The following SHANK2 variants were observed in gnomAD, a reference collection of about 807,000 sequenced individuals.
SHANK2 encodes SH3 and multiple ankyrin repeat domains 2.
A neutral mutation model predicts 133.7 loss-of-function variants in SHANK2; 43 were observed. The ratio of observed to expected loss-of-function variants is 0.32; its 90% CI spans 0.25 to 0.41. The LOEUF (loss-of-function observed/expected upper bound fraction) is 0.41, where lower values mean the gene tolerates loss of function less well. Among genes scored for constraint, SHANK2 ranks in the 10% least tolerant of loss-of-function variants. SHANK2 has a pLI of 1.00. For synonymous variants in SHANK2, 1,017 were observed against 952.8 expected, an observed-to-expected ratio of 1.07 and a Z score of -1.24; for missense variants, 1,994 against 2,235.8, an observed-to-expected ratio of 0.89 and a Z score of 2.18.
At chr11:70,528,245 T>G (rs1591539448) in intron 17 of SHANK2, among the ~76,000 whole-genome samples, 1 of 152,176 alleles carries the variant, frequency 6.6e-6, no homozygotes, top group African/African-American at 2.4e-5. Context: ...TGTCCATGTG[T>G]GGGACGAACG....
intron 15 of SHANK2, among the ~76,000 whole-genome samples, chr11:70,683,346 G>T (rs148273142): frequency 2.0e-5 from 3 of 152,010 alleles, no homozygotes; most frequent in African/African-American, 7.3e-5. Context: ...CCACTCTGCC[G>T]TTTCTGTGTA....
chr11:71,148,034 A>G lies in SHANK2; in HGVS notation c.-12-696T>C, dbSNP rs577128865. Among the ~76,000 whole-genome samples, 199 of 150,818 alleles carry G rather than the reference A, an allele frequency of 1.3e-3. 2 individuals carry two copies. The Middle Eastern group carries it at 0.021, about 16-fold the overall frequency. On this transcript the variant is annotated intron_variant, in intron 2 of 25. Coordinates refer to ENST00000601538, the MANE Select transcript of SHANK2 (RefSeq NM_012309.5). ...GGTCAAGTGCAATAAAAATTACCCC[A>G]CAAAGAGTCAGGCCAGGTTGCCAAT...
At chr11:71,208,532 G>A (rs1045950459) in intron 2 of SHANK2, among the ~76,000 whole-genome samples, 6 of 146,064 alleles carry the variant, frequency 4.1e-5, no homozygotes, top group Non-Finnish European at 6.0e-5. Context: ...CTCCCTTCCC[G>A]AGTCCTAGGC....
At chr11:71,097,527 C>A (rs1181285095) in intron 6 of SHANK2, among the ~76,000 whole-genome samples, 3 of 152,218 alleles carry the variant, frequency 2.0e-5, no homozygotes, top group Non-Finnish European at 4.4e-5. Context: ...CAGTCTCCCT[C>A]AACGTGAACA....
At chr11:70,851,572 A>G (rs1555065466) in intron 11 of SHANK2, among the ~76,000 whole-genome samples, 1 of 152,248 alleles carries the variant, frequency 6.6e-6, no homozygotes, top group Non-Finnish European at 1.5e-5. Flanking sequence ...TTGAGCACGG[A>G]GTCCACACAT....
intron 14 of SHANK2, among the ~76,000 whole-genome samples, chr11:70,757,565 G>C (rs911791175): frequency 1.5e-4 from 23 of 152,224 alleles, no homozygotes; most frequent in African/African-American, 5.1e-4. Flanking sequence ...GCCAGGCTGA[G>C]GGTGCCTACG....
intron 17 of SHANK2, among the ~76,000 whole-genome samples, chr11:70,506,642 G>A (rs1445093484): frequency 2.6e-5 from 4 of 152,148 alleles, no homozygotes; most frequent in Non-Finnish European, 5.9e-5. Flanking sequence ...TGCTTTGGAC[G>A]AGCTTCCCTG....
At chr11:71,231,565 C>G (rs1205799069) in intron 1 of SHANK2, among the ~76,000 whole-genome samples, 1 of 152,190 alleles carries the variant, frequency 6.6e-6, no homozygotes, top group Admixed American at 6.5e-5. Context: ...AAACCACACT[C>G]CTAGGCATTC....
chr11:70,738,523 A>G (rs940007612), intron 14 of SHANK2, among the ~76,000 whole-genome samples: 2 of 152,172 alleles, frequency 1.3e-5, no homozygotes, highest in South Asian at 4.1e-4. Context: ...CCCAGGGCCC[A>G]TTGCAGGGAA....
chr11:70,488,920 G>A, intron 24 of SHANK2: 3 of 267,294 alleles, frequency 1.1e-5, no homozygotes, highest in Non-Finnish European at 2.2e-5. Context: ...CTGTTCAACA[G>A]CTGAAGACAC....
intron 3 of SHANK2, among the ~76,000 whole-genome samples, chr11:71,122,668 C>G (rs1952102314): frequency 6.6e-6 from 1 of 152,132 alleles, no homozygotes; most frequent in African/African-American, 2.4e-5. Context: ...GTGAGAAAAT[C>G]TGGACACGGC....
intron 6 of SHANK2, among the ~76,000 whole-genome samples, chr11:71,099,492 A>T (rs1275627019): frequency 2.6e-5 from 4 of 152,178 alleles, no homozygotes; most frequent in African/African-American, 9.7e-5. Flanking sequence ...TTTGTTTACA[A>T]ATGTCTCCTG....
At chr11:70,497,677 G>C (rs1163758352) in intron 21 of SHANK2, among the ~76,000 whole-genome samples, 1 of 152,264 alleles carries the variant, frequency 6.6e-6, no homozygotes, top group Non-Finnish European at 1.5e-5. Flanking sequence ...CTTCAGTGCA[G>C]GTTCCCCTGA....
chr11:71,212,739 C>T (rs1420421877), intron 2 of SHANK2, among the ~76,000 whole-genome samples: 6 of 152,238 alleles, frequency 3.9e-5, no homozygotes, highest in African/African-American at 1.2e-4. Flanking sequence ...ACTTCCTCAA[C>T]GTCAAACACC....
At chr11:70,594,881 T>G (rs577934901) in intron 17 of SHANK2, among the ~76,000 whole-genome samples, 3 of 152,050 alleles carry the variant, frequency 2.0e-5, no homozygotes. Flanking sequence ...CCCATGCCCC[T>G]CTGCATGCAC....
At chr11:71,221,622 A>G (rs1305378502) in intron 2 of SHANK2, among the ~76,000 whole-genome samples, 1 of 152,230 alleles carries the variant, frequency 6.6e-6, no homozygotes, top group Non-Finnish European at 1.5e-5. Flanking sequence ...TAGTGTCTTC[A>G]ACAGTCAATG....
rs1591471511 is a variant in SHANK2 at position 70,472,672 on chromosome 11, A to G, written c.*197T>C. 3.2e-6 allele frequency: 2 copies of G among 621,378 alleles called. No homozygotes were observed. Among genetic ancestry groups the G allele is most frequent in the East Asian group, 5.5e-5 (2 of 36,398 alleles). The allele number at this position is 621,378 out of a possible 1,614,324, so 38.5% of individuals were successfully genotyped here. ...TCCCATGTGTGATAGAAACTGCCCA[A>G]GACACCCACATGGTGAGCCAGGGGT... On this transcript the variant is annotated 3_prime_UTR_variant, in exon 26 of 26. Coordinates refer to ENST00000601538, the MANE Select transcript of SHANK2 (RefSeq NM_012309.5). This position sits in a 1 kb window ranked among gnomAD's most constrained non-coding sequence, Gnocchi z 4.4.
intron 17 of SHANK2, among the ~76,000 whole-genome samples, chr11:70,578,712 A>G (rs1554984787): frequency 6.6e-6 from 1 of 152,182 alleles, no homozygotes; most frequent in Non-Finnish European, 1.5e-5. Flanking sequence ...GCTAATTTAC[A>G]TGAAATGGAG....
chr11:71,212,893 G>T (rs1555119061), intron 2 of SHANK2, among the ~76,000 whole-genome samples: 1 of 151,080 alleles, frequency 6.6e-6, no homozygotes, highest in Admixed American at 6.7e-5. Flanking sequence ...ACCCCAGGCG[G>T]AGGCACAGGG....
Sources: allele counts gnomAD v4.1 joint callset (sites outside exome capture counted in the v4.1 genomes callset), GRCh38; gene constraint gnomAD v4.1.1; non-coding constraint Gnocchi (gnomAD v3.1); transcripts MANE v1.5; gene names NCBI Gene and HGNC (gene_info 2026-07-23, HGNC 2026-07-21).